The following PDGFRL variants were observed in gnomAD, a reference collection of about 807,000 sequenced individuals.
PDGFRL encodes platelet-derived growth factor receptor-like protein.
A neutral mutation model predicts 37.2 loss-of-function variants in PDGFRL; 46 were observed. That is an observed-to-expected ratio of 1.24 (90% CI 0.98 to 1.58). The LOEUF is 1.58. PDGFRL is among the 40% of genes most tolerant of loss of function. The pLI is 0.00. For missense variants in PDGFRL, 692 were observed against 467.6 expected, an observed-to-expected ratio of 1.48 and a Z score of -4.43; for synonymous variants, 251 against 184.3, an observed-to-expected ratio of 1.36 and a Z score of -2.93.
chr8:17,625,250 C>T lies in PDGFRL; in HGVS notation c.506-3237C>T, dbSNP rs530860264. ...CACTGCAACCTCCGACTCCCCGGTT[C>T]GAGCGATTCTCCTGCCTCAGCCTCC... On this transcript the variant is annotated intron_variant, in intron 3 of 5. Transcript: ENST00000251630. 4.6e-5 allele frequency among the ~76,000 whole-genome samples: 7 copies of T among 150,906 alleles called. No individual in the cohort carries two copies. The East Asian group carries it at 5.9e-4, about 13-fold the overall frequency.
At chr8:17,612,530 C>T (rs1013342346) in intron 2 of PDGFRL, among the ~76,000 whole-genome samples, 1 of 152,070 alleles carries the variant, frequency 6.6e-6, no homozygotes, top group Non-Finnish European at 1.5e-5. Flanking sequence ...GCCACCATAC[C>T]CGGGTAATTT....
intron 5 of PDGFRL, among the ~76,000 whole-genome samples, chr8:17,642,140 CCT>C (rs1184928769): frequency 6.6e-6 from 1 of 152,046 alleles, no homozygotes; most frequent in African/African-American, 2.4e-5. Context: ...CATACTTCTC[CCT>C]CTCTCAAATC....
At position 17,589,559 on chromosome 8, in the gene PDGFRL, T is replaced by G. The variant is rs1179299777; in HGVS notation, c.147T>G (p.Ile49Met). The G allele has an allele frequency of 6.2e-7, 1 of 1,613,552 alleles. No homozygotes were observed. The highest frequency in any genetic ancestry group is 1.7e-5 in the Admixed American group (1 of 60,008). ...CCAACAAGAAGGTGAAGCCCAAAATTCCTAAAATGAAGGACAGGGACTCAG... is the reference window on the plus strand; with the variant it reads ...CCAACAAGAAGGTGAAGCCCAAAATGCCTAAAATGAAGGACAGGGACTCAG... ...KPTNKKVKPK[I>M]PKMKDRDSAN... Residue 49 changes from isoleucine (I) to methionine (M), a missense_variant, in exon 2 of 6, where the codon ATT becomes ATG. Transcript: ENST00000251630.
At chr8:17,618,162 G>A (rs73567807) in intron 2 of PDGFRL, among the ~76,000 whole-genome samples, 3,534 of 152,176 alleles carry the variant, frequency 0.023, 68 homozygotes, top group East Asian at 0.077. Flanking sequence ...GGACTCAAGA[G>A]ATCCTCCCAC....
At chr8:17,607,639 G>A (rs1283780066) in intron 2 of PDGFRL, among the ~76,000 whole-genome samples, 1 of 152,170 alleles carries the variant, frequency 6.6e-6, no homozygotes, top group Non-Finnish European at 1.5e-5. Flanking sequence ...TAGTACCAGT[G>A]ATTGCATGTA....
intron 2 of PDGFRL, among the ~76,000 whole-genome samples, chr8:17,620,297 T>C (rs1357005625): frequency 6.6e-6 from 1 of 152,198 alleles, no homozygotes; most frequent in Non-Finnish European, 1.5e-5. Context: ...TGGTGACACA[T>C]TGGTTTATTA....
chr8:17,614,615 G>A (rs115663142), intron 2 of PDGFRL, among the ~76,000 whole-genome samples: 2,274 of 152,276 alleles, frequency 0.015, 47 homozygotes, highest in African/African-American at 0.051. Flanking sequence ...GTCTCCCTCT[G>A]TTGCCCAGGC....
At chr8:17,627,986 T>C (rs1804766900) in intron 3 of PDGFRL, among the ~76,000 whole-genome samples, 1 of 122,758 alleles carries the variant, frequency 8.1e-6, no homozygotes, top group South Asian at 2.7e-4. Flanking sequence ...GTTTTCTTTC[T>C]TTCTTTTTTT....
intron 1 of PDGFRL, among the ~76,000 whole-genome samples, chr8:17,587,368 T>C (rs1359127064): frequency 6.6e-6 from 1 of 152,220 alleles, no homozygotes; most frequent in Non-Finnish European, 1.5e-5. Context: ...TCTGTTTGTC[T>C]AAATTCCATA....
At chr8:17,603,591 A>T (rs1206891878) in intron 2 of PDGFRL, among the ~76,000 whole-genome samples, 1 of 151,964 alleles carries the variant, frequency 6.6e-6, no homozygotes, top group Non-Finnish European at 1.5e-5. Flanking sequence ...TTTGTCGAAC[A>T]CTCTGTTTCT....
intron 1 of PDGFRL, among the ~76,000 whole-genome samples, chr8:17,583,712 G>A (rs1803756231): frequency 6.6e-6 from 1 of 152,118 alleles, no homozygotes; most frequent in Non-Finnish European, 1.5e-5. Context: ...CCCTCCTGGA[G>A]GTAATAGAAC....
intron 2 of PDGFRL, among the ~76,000 whole-genome samples, chr8:17,618,138 A>G (rs1013276313): frequency 1.3e-5 from 2 of 152,044 alleles, no homozygotes; most frequent in African/African-American, 4.8e-5. Context: ...AGCTCATTGC[A>G]GCCTCGACCT....
intron 2 of PDGFRL, among the ~76,000 whole-genome samples, chr8:17,591,493 A>C (rs1803939348): frequency 6.6e-6 from 1 of 152,002 alleles, no homozygotes; most frequent in Non-Finnish European, 1.5e-5. Context: ...GTGTAGAATG[A>C]AGGGTAGGGG....
In PDGFRL at chr8:17,583,524, C is replaced by A. The variant is rs191119207; in HGVS notation, c.56-5944C>A. ...TTTCGGGGACTATTGGGAAAGGATG[C>A]TTGTAATTTGCAGTATTTGAAAGAC... On this transcript the variant is annotated intron_variant, in intron 1 of 5. Coordinates refer to ENST00000251630, the MANE Select transcript of PDGFRL (RefSeq NM_001372073.1). Among the ~76,000 whole-genome samples the A allele has an allele frequency of 4.7e-3, 712 of 152,248 alleles. 5 individuals are homozygous for A. The highest frequency in any genetic ancestry group is 0.015 in the African/African-American group (611 of 41,512).
intron 2 of PDGFRL, among the ~76,000 whole-genome samples, chr8:17,617,656 G>A (rs371575703): frequency 2.0e-5 from 3 of 152,164 alleles, no homozygotes; most frequent in Admixed American, 6.5e-5. Flanking sequence ...TATTGTTTGC[G>A]TAGAAGAGGG....
At chr8:17,586,328 T>C (rs1803816005) in intron 1 of PDGFRL, among the ~76,000 whole-genome samples, 1 of 152,158 alleles carries the variant, frequency 6.6e-6, no homozygotes. Context: ...CTCCAGCTCT[T>C]CCAGGAAGAG....
At chr8:17,587,069 T>A (rs945157983) in intron 1 of PDGFRL, among the ~76,000 whole-genome samples, 1 of 152,090 alleles carries the variant, frequency 6.6e-6, no homozygotes, top group Non-Finnish European at 1.5e-5. Flanking sequence ...AGACATGGGA[T>A]TTGGGAGTCA....
intron 1 of PDGFRL, among the ~76,000 whole-genome samples, chr8:17,580,245 G>C (rs977534267): frequency 3.3e-5 from 5 of 152,042 alleles, no homozygotes; most frequent in Non-Finnish European, 7.4e-5. Flanking sequence ...AGATCTCTAA[G>C]AAGGTAAGGA....
chr8:17,610,371 A>T (rs1258618437), intron 2 of PDGFRL, among the ~76,000 whole-genome samples: 1 of 152,202 alleles, frequency 6.6e-6, no homozygotes, highest in Non-Finnish European at 1.5e-5. Context: ...ACAAAATCTG[A>T]AACTTTTTGA....
Sources: gnomAD v4.1 joint callset for allele counts (sites outside exome capture counted in the v4.1 genomes callset) on GRCh38, gnomAD v4.1.1 for gene constraint, MANE v1.5 for transcripts, NCBI Gene and HGNC (gene_info 2026-07-23, HGNC 2026-07-21) for gene names.